Variants in LGSN observed in about 807,000 individuals in gnomAD.
LGSN encodes the protein lengsin, lens protein with glutamine synthetase domain.
Under a neutral mutation model 19.5 loss-of-function variants are expected in LGSN, and 21 were observed. That is an observed-to-expected ratio of 1.07 (90% CI 0.76 to 1.55). The LOEUF is 1.55. LGSN is among the 40% of genes most tolerant of loss of function. The pLI, the probability that LGSN is intolerant of heterozygous loss-of-function variation, is 0.00. For synonymous variants in LGSN, 257 were observed against 215.6 expected, an observed-to-expected ratio of 1.19 and a Z score of -1.68; for missense variants, 673 against 608.5, an observed-to-expected ratio of 1.11 and a Z score of -1.12.
At chr6:63,352,050 G>A in the LGSN span, among the ~76,000 whole-genome samples, 1 of 152,096 alleles carries the variant, frequency 6.6e-6, no homozygotes, top group East Asian at 1.9e-4. Flanking sequence ...TTTAAAACAA[G>A]AAATGGTTGA....
At chr6:63,401,327 G>A in the LGSN span, among the ~76,000 whole-genome samples, 4 of 151,308 alleles carry the variant, frequency 2.6e-5, no homozygotes, top group South Asian at 4.2e-4. Flanking sequence ...TTGAATCCAG[G>A]AAGTTGAGGC....
the LGSN span, among the ~76,000 whole-genome samples, chr6:63,423,821 T>C: frequency 6.6e-6 from 1 of 152,160 alleles, no homozygotes; most frequent in African/African-American, 2.4e-5. Flanking sequence ...GCAGATCATT[T>C]GATGTTAGGA....
the LGSN span, among the ~76,000 whole-genome samples, chr6:63,431,815 C>A: frequency 1.3e-5 from 2 of 151,806 alleles, no homozygotes; most frequent in African/African-American, 4.8e-5. Flanking sequence ...GCCTGTAATC[C>A]CAACACTTTG....
At position 63,279,144 on chromosome 6, in the gene LGSN, T is replaced by A. The variant is rs1767190790; in HGVS notation, c.*877A>T. Reference sequence around the variant, plus strand: ...CAAACTTAAACTCCAAACATAGCCCTGGCTAGCCAGGCAGTTGTTCTCACA... The same window carrying A: ...CAAACTTAAACTCCAAACATAGCCCAGGCTAGCCAGGCAGTTGTTCTCACA... On this transcript the variant is annotated 3_prime_UTR_variant, in exon 4 of 4. Transcript: ENST00000370657. 6.6e-6 allele frequency: 1 copy of A among 152,194 alleles called. No homozygotes were observed. The highest frequency in any genetic ancestry group is 2.4e-5 in the African/African-American group (1 of 41,442). The allele number at this position is 152,194 out of a possible 1,614,324, so 9.4% of individuals were successfully genotyped here.
the LGSN span, among the ~76,000 whole-genome samples, chr6:63,554,600 C>T: frequency 6.6e-6 from 1 of 152,132 alleles, no homozygotes; most frequent in African/African-American, 2.4e-5. Context: ...GAGTTCAAGA[C>T]CAGCCTGGCC....
chr6:63,315,644 G>C (rs1768817376), intron 1 of LGSN, among the ~76,000 whole-genome samples: 1 of 150,988 alleles, frequency 6.6e-6, no homozygotes. Context: ...GTGTGTGTGT[G>C]TGTGTGTGTG....
At chr6:63,291,373 G>A (rs1767761550) in intron 2 of LGSN, among the ~76,000 whole-genome samples, 1 of 152,142 alleles carries the variant, frequency 6.6e-6, no homozygotes, top group African/African-American at 2.4e-5. Context: ...GGTGAATGTG[G>A]GGATTTTACT....
chr6:63,383,433 G>A, the LGSN span, among the ~76,000 whole-genome samples: 4 of 150,056 alleles, frequency 2.7e-5, no homozygotes, highest in South Asian at 8.5e-4. Context: ...CAGACCCAGG[G>A]GATCAACAGC....
chr6:63,566,086 A>G, the LGSN span, among the ~76,000 whole-genome samples: 1 of 152,244 alleles, frequency 6.6e-6, no homozygotes, highest in Admixed American at 6.5e-5. Context: ...TATGTCTAAA[A>G]AATGTACATA....
chr6:63,477,687 C>CTTTTTTTTTTTTTTTTTTTTTTT, the LGSN span, among the ~76,000 whole-genome samples: 19 of 61,048 alleles, frequency 3.1e-4, 1 homozygote, highest in Non-Finnish European at 3.8e-4. Flanking sequence ...TTCTTTTTTT[C>CTTTTTTTTTTTTTTTTTTTTTTT]TTTTTTTTTT....
chr6:63,556,626 G>C, the LGSN span, among the ~76,000 whole-genome samples: 1 of 152,210 alleles, frequency 6.6e-6, no homozygotes, highest in Non-Finnish European at 1.5e-5. Flanking sequence ...AATTCTCTGA[G>C]CAAAGGCTTT....
the LGSN span, among the ~76,000 whole-genome samples, chr6:63,336,932 C>CT: frequency 3.3e-4 from 46 of 138,808 alleles, no homozygotes; most frequent in African/African-American, 4.0e-4. Context: ...CTTTTCTTTT[C>CT]TTTTTTTTTG....
the LGSN span, among the ~76,000 whole-genome samples, chr6:63,399,707 T>A: frequency 6.6e-6 from 1 of 151,636 alleles, no homozygotes; most frequent in African/African-American, 2.4e-5. Context: ...TCATTTTTTA[T>A]TTTTTAGTGA....
At chr6:63,407,732 T>C in the LGSN span, among the ~76,000 whole-genome samples, 1 of 152,128 alleles carries the variant, frequency 6.6e-6, no homozygotes, top group African/African-American at 2.4e-5. Flanking sequence ...AAAGAGGAAG[T>C]CAAATTGTCC....
At chr6:63,339,967 G>C in the LGSN span, among the ~76,000 whole-genome samples, 1 of 151,838 alleles carries the variant, frequency 6.6e-6, no homozygotes, top group Admixed American at 6.6e-5. Context: ...AATTCCCTCA[G>C]TTTTTGCTTT....
chr6:63,357,101 G>A, the LGSN span, among the ~76,000 whole-genome samples: 3 of 151,448 alleles, frequency 2.0e-5, no homozygotes, highest in African/African-American at 2.4e-5. Flanking sequence ...TTGTCCTTGC[G>A]ATAGTTTGCT....
At chr6:63,452,486 G>C in the LGSN span, among the ~76,000 whole-genome samples, 1 of 152,026 alleles carries the variant, frequency 6.6e-6, no homozygotes, top group Non-Finnish European at 1.5e-5. Context: ...CAGATTTTCT[G>C]TCTCTTCTTG....
At chr6:63,463,976 T>C in the LGSN span, among the ~76,000 whole-genome samples, 1 of 152,132 alleles carries the variant, frequency 6.6e-6, no homozygotes, top group Non-Finnish European at 1.5e-5. Flanking sequence ...TCTTATCTTT[T>C]ACAGATAAAT....
At chr6:63,293,873 A>G (rs1266512078) in intron 2 of LGSN, 2 of 415,104 alleles carry the variant, frequency 4.8e-6, no homozygotes, top group Non-Finnish European at 9.6e-6. Flanking sequence ...TAATAAGGAA[A>G]AATGTTAAAA....
Sources: gnomAD v4.1 joint callset for allele counts (sites outside exome capture counted in the v4.1 genomes callset) on GRCh38, gnomAD v4.1.1 for gene constraint, MANE v1.5 for transcripts, NCBI Gene and HGNC (gene_info 2026-07-23, HGNC 2026-07-21) for gene names.